WLS: variants seen among roughly 807,000 people sequenced by gnomAD.
The protein encoded by WLS is protein wntless homolog.
Under a neutral mutation model 62.8 loss-of-function variants are expected in WLS, and 23 were observed. That is an observed-to-expected ratio of 0.37 (90% CI 0.26 to 0.52). WLS has a LOEUF of 0.52. Ranked by LOEUF, WLS falls within the 20% of genes least tolerant of loss-of-function variation. The probability of loss-of-function intolerance (pLI) is 0.92; values close to 1 mark genes in which losing one functional copy is unlikely to be tolerated. For missense variants in WLS, 615 were observed against 697.3 expected (o/e 0.88, Z 1.33); for synonymous variants, 246 against 244.1 (o/e 1.01, Z -0.07).
Position 68,138,250 on chromosome 1 carries a change from T to C in WLS, c.1363-317A>G, listed in dbSNP as rs1396639573. ...GTTAAACAAACTGTGTTTGAGCCCA[T>C]CACTTATTCACAATTATAATTCCTC... On this transcript the variant is annotated intron_variant, in intron 10 of 11. Transcript: ENST00000262348. 2.9e-5 allele frequency: 8 copies of C among 273,808 alleles called. No homozygotes were observed. In the East Asian group the frequency reaches 4.7e-4, roughly 16 times the overall value. 17.0% of individuals were successfully genotyped at this position (273,808 alleles called of 1,614,324 possible). A position where few individuals can be genotyped will look rare whatever the true frequency, so the allele number is the denominator to read the frequency against.
At chr1:68,128,839 G>A (rs2820482) in intron 11 of WLS, among the ~76,000 whole-genome samples, 57,403 of 151,738 alleles carry the variant, frequency 0.38, 11,009 homozygotes, top group East Asian at 0.42. Flanking sequence ...AGAAACTGAG[G>A]CACAGAGAGG....
chr1:68,102,372 C>A (rs965092118), intron 11 of WLS, among the ~76,000 whole-genome samples: 4 of 152,166 alleles, frequency 2.6e-5, no homozygotes, highest in Admixed American at 6.5e-5. Flanking sequence ...ATTGCTTCTG[C>A]TTTCCTATGG....
intron 2 of WLS, among the ~76,000 whole-genome samples, chr1:68,169,141 G>A (rs1430744): frequency 6.6e-6 from 1 of 152,176 alleles, no homozygotes; most frequent in Non-Finnish European, 1.5e-5. Context: ...TCTAAGCATT[G>A]CAAAACTGGT....
intron 2 of WLS, among the ~76,000 whole-genome samples, chr1:68,159,629 T>G (rs940706279): frequency 6.6e-6 from 1 of 152,142 alleles, no homozygotes; most frequent in Admixed American, 6.6e-5. Context: ...TGCCTTATGT[T>G]CTTGAAAACC....
chr1:68,193,825 C>A (rs1648502529), intron 2 of WLS, 130 bp downstream of exon 2: 2 of 1,216,686 alleles, frequency 1.6e-6, no homozygotes, highest in Admixed American at 2.4e-5. Flanking sequence ...ACAGAAAGTG[C>A]CTGGGAAGTA....
At chr1:68,099,964 G>A (rs1447577868) in intron 11 of WLS, among the ~76,000 whole-genome samples, 2 of 152,154 alleles carry the variant, frequency 1.3e-5, no homozygotes, top group Non-Finnish European at 1.5e-5. Context: ...ATAAATTGGT[G>A]CACATAAAGT....
chr1:68,198,676 C>A (rs1375191608), intron 1 of WLS, among the ~76,000 whole-genome samples: 3 of 151,890 alleles, frequency 2.0e-5, no homozygotes, highest in Non-Finnish European at 2.9e-5. Context: ...ATGGAACGTA[C>A]AAATAACGGA....
chr1:68,177,576 C>T (rs1054855873), intron 2 of WLS, among the ~76,000 whole-genome samples: 1 of 152,088 alleles, frequency 6.6e-6, no homozygotes. Flanking sequence ...AGGGCAGTGG[C>T]GCAACCTTCT....
At chr1:68,110,028 A>C (rs78279392) in intron 11 of WLS, among the ~76,000 whole-genome samples, 17 of 141,778 alleles carry the variant, frequency 1.2e-4, no homozygotes, top group Non-Finnish European at 2.3e-4. Flanking sequence ...AAAAAAAAAA[A>C]AAAAAAATAC....
intron 11 of WLS, among the ~76,000 whole-genome samples, chr1:68,105,100 T>C (rs1646126688): frequency 6.6e-6 from 1 of 152,174 alleles, no homozygotes; most frequent in Non-Finnish European, 1.5e-5. Context: ...GTTAGATGTC[T>C]GATCTACCCT....
At position 68,106,716 on chromosome 1, in the gene WLS, C is replaced by CTGTGTGTGTGTG. The variant is rs59601112; in HGVS notation, c.1511-7975_1511-7964dup. ...GAAACGCGTGTGCATGTGTTTGTCA[C>CTGTGTGTGTGTG]TGTGTGTGTGTGTGTGTGTGTGTGT... On this transcript the variant is annotated intron_variant, in intron 11 of 11. Transcript: ENST00000354777. Among the ~76,000 whole-genome samples the CTGTGTGTGTGTG allele has an allele frequency of 1.4e-4, 20 of 146,824 alleles. 1 individual carries two copies. The highest frequency in any genetic ancestry group is 5.1e-4 in the African/African-American group (20 of 39,466).
chr1:68,228,241 T>G, intron 1 of WLS: 1 of 446,514 alleles, frequency 2.2e-6, no homozygotes, highest in Non-Finnish European at 4.5e-6. Flanking sequence ...TGGAATAGTC[T>G]CATTTATGGG....
intron 2 of WLS, among the ~76,000 whole-genome samples, chr1:68,173,378 G>T (rs1344291307): frequency 6.6e-6 from 1 of 151,996 alleles, no homozygotes; most frequent in East Asian, 1.9e-4. Context: ...TAGAATAGCT[G>T]ATTTGATCGT....
chr1:68,201,243 T>C (rs1411530518), intron 1 of WLS, among the ~76,000 whole-genome samples: 5 of 152,192 alleles, frequency 3.3e-5, no homozygotes, highest in Non-Finnish European at 7.3e-5. Context: ...AGTCAGTTCC[T>C]AAAAAGATTT....
At chr1:68,214,024 G>T (rs376130395) in intron 1 of WLS, among the ~76,000 whole-genome samples, 1 of 152,136 alleles carries the variant, frequency 6.6e-6, no homozygotes, top group African/African-American at 2.4e-5. Flanking sequence ...CATTTCAGCT[G>T]CTGGGACATC....
At chr1:68,161,777 G>C (rs1570920718) in intron 2 of WLS, 1 of 1,601,186 alleles carries the variant, frequency 6.2e-7, no homozygotes, top group Non-Finnish European at 8.5e-7. Context: ...GAGTGCTCTC[G>C]ATTGTCCCCG....
At chr1:68,156,479 T>C (rs929928650) in intron 3 of WLS, among the ~76,000 whole-genome samples, 5 of 152,006 alleles carry the variant, frequency 3.3e-5, no homozygotes, top group Admixed American at 6.5e-5. Flanking sequence ...GGTTCCTTAC[T>C]GAACAGTCAG....
chr1:68,099,069 A>G (rs1646044512), intron 11 of WLS, among the ~76,000 whole-genome samples: 1 of 152,152 alleles, frequency 6.6e-6, no homozygotes. Flanking sequence ...AGTTCATCTT[A>G]AGATAGAACT....
intron 1 of WLS, among the ~76,000 whole-genome samples, chr1:68,219,497 AAAT>A (rs1371116328): frequency 6.6e-6 from 1 of 152,216 alleles, no homozygotes; most frequent in African/African-American, 2.4e-5. Flanking sequence ...CCTCCCATTT[AAAT>A]AATAATAGCC....
Sources: allele counts gnomAD v4.1 joint callset (sites outside exome capture counted in the v4.1 genomes callset), GRCh38; gene constraint gnomAD v4.1.1; transcripts MANE v1.5; gene names NCBI Gene and HGNC (gene_info 2026-07-23, HGNC 2026-07-21).